The following CSMD1 variants were observed in gnomAD, a reference collection of about 807,000 sequenced individuals.
The protein encoded by CSMD1 is CUB and sushi domain-containing protein 1.
In CSMD1, 213 loss-of-function variants were observed where a neutral mutation model predicts 417.5. That is an observed-to-expected ratio of 0.51 (90% CI 0.46 to 0.57). CSMD1 has a LOEUF of 0.57. CSMD1 is among the 20% of genes least tolerant of loss of function. CSMD1 has a pLI of 0.00. For missense variants in CSMD1, 6,923 were observed against 4,529.7 expected, an observed-to-expected ratio of 1.53 and a Z score of -15.17; for synonymous variants, 2,862 against 1,736.8, an observed-to-expected ratio of 1.65 and a Z score of -16.11.
intron 3 of CSMD1, among the ~76,000 whole-genome samples, chr8:4,160,741 T>A (rs1391540039): frequency 6.6e-6 from 1 of 152,234 alleles, no homozygotes; most frequent in Non-Finnish European, 1.5e-5. Flanking sequence ...TTCTATAAGG[T>A]GATACTACAT....
chr8:3,901,804 G>C (rs898631950), intron 5 of CSMD1, among the ~76,000 whole-genome samples: 4 of 152,122 alleles, frequency 2.6e-5, no homozygotes, highest in African/African-American at 9.7e-5. Context: ...TTAAGCTCTT[G>C]GGGTGTTCAC....
intron 5 of CSMD1, among the ~76,000 whole-genome samples, chr8:3,880,886 G>A (rs1011870010): frequency 3.3e-5 from 5 of 151,934 alleles, no homozygotes; most frequent in East Asian, 1.9e-4. Flanking sequence ...GTCCTCCTTC[G>A]TGTACCATTG....
intron 2 of CSMD1, among the ~76,000 whole-genome samples, chr8:4,624,170 G>C (rs1801958291): frequency 6.6e-6 from 1 of 151,998 alleles, no homozygotes; most frequent in South Asian, 2.1e-4. Context: ...GTAAAACTTG[G>C]CAAATCAACT....
At chr8:4,904,405 A>G (rs1042687759) in intron 1 of CSMD1, among the ~76,000 whole-genome samples, 8 of 152,222 alleles carry the variant, frequency 5.3e-5, no homozygotes, top group Non-Finnish European at 1.2e-4. Flanking sequence ...CAGGCAAAGA[A>G]CAAACAACTT....
chr8:2,984,247 A>G (rs1346201365), intron 54 of CSMD1, among the ~76,000 whole-genome samples: 1 of 152,180 alleles, frequency 6.6e-6, no homozygotes, highest in African/African-American at 2.4e-5. Flanking sequence ...GCAACCCTCA[A>G]CAGCAGTGAC....
chr8:4,475,829 T>A (rs1174279540), intron 2 of CSMD1, among the ~76,000 whole-genome samples: 1 of 152,080 alleles, frequency 6.6e-6, no homozygotes, highest in Non-Finnish European at 1.5e-5. Flanking sequence ...ACCAGGCTGG[T>A]CTCAAACTCC....
chr8:3,337,724 G>C (rs1193388702), intron 23 of CSMD1, among the ~76,000 whole-genome samples: 1 of 152,206 alleles, frequency 6.6e-6, no homozygotes, highest in Non-Finnish European at 1.5e-5. Flanking sequence ...TTTGGGCACT[G>C]ATCACACATT....
At chr8:3,594,864 G>C (rs1203919005) in intron 8 of CSMD1, among the ~76,000 whole-genome samples, 2 of 152,142 alleles carry the variant, frequency 1.3e-5, no homozygotes, top group Non-Finnish European at 2.9e-5. Context: ...TGCTCATGGA[G>C]CTTCTGAGAG....
chr8:4,948,879 G>C (rs973895353), intron 1 of CSMD1, among the ~76,000 whole-genome samples: 1 of 152,020 alleles, frequency 6.6e-6, no homozygotes, highest in African/African-American at 2.4e-5. Flanking sequence ...TCCGATTTTA[G>C]ATAAAAGACC....
chr8:4,592,446 G>A (rs1197203951), intron 2 of CSMD1, among the ~76,000 whole-genome samples: 1 of 151,902 alleles, frequency 6.6e-6, no homozygotes, highest in Non-Finnish European at 1.5e-5. Context: ...GAGTGCAGTG[G>A]CATGACCTTG....
chr8:4,019,454 A>G (rs55668897), intron 4 of CSMD1, among the ~76,000 whole-genome samples: 93,139 of 150,474 alleles, frequency 0.62, 28,733 homozygotes, highest in South Asian at 0.69. Context: ...ACATTCCCTT[A>G]TTAGGGCCCT....
chr8:4,398,730 G>C (rs1175548838), intron 3 of CSMD1, among the ~76,000 whole-genome samples: 1 of 152,060 alleles, frequency 6.6e-6, no homozygotes, highest in Non-Finnish European at 1.5e-5. Context: ...TCAAACAAAT[G>C]CTAACAGATT....
At chr8:3,876,685 C>G (rs967715161) in intron 5 of CSMD1, among the ~76,000 whole-genome samples, 14 of 152,180 alleles carry the variant, frequency 9.2e-5, no homozygotes, top group African/African-American at 3.4e-4. Flanking sequence ...TCAGTGCGCA[C>G]TGTAGCCTTG....
intron 5 of CSMD1, among the ~76,000 whole-genome samples, chr8:3,838,581 C>T (rs117610495): frequency 0.15 from 20,296 of 132,754 alleles, 1,917 homozygotes; most frequent in African/African-American, 0.25. Context: ...CTCTATATAT[C>T]TATAGTCCCT....
chr8:4,382,490 T>G (rs1674686475), intron 3 of CSMD1, among the ~76,000 whole-genome samples: 1 of 148,490 alleles, frequency 6.7e-6, no homozygotes, highest in Non-Finnish European at 1.5e-5. Flanking sequence ...TCCAACCACC[T>G]AAACTCTCTG....
intron 1 of CSMD1, among the ~76,000 whole-genome samples, chr8:4,907,420 T>C (rs777443295): frequency 2.6e-5 from 4 of 152,202 alleles, no homozygotes; most frequent in Non-Finnish European, 5.9e-5. Flanking sequence ...AAATAGGACA[T>C]TGGGCAAAAT....
At position 3,168,126 on chromosome 8, in the gene CSMD1, G is replaced by T. The variant is rs140241266; in HGVS notation, c.5726-5849C>A. ...AGTTGATAAGCAGAGAGTGAGGGAA[G>T]CAGACCCATGTGAAGAGATTAATAG... is the stretch of plus-strand genomic sequence containing the variant. On this transcript the variant is annotated intron_variant, in intron 37 of 69. Coordinates refer to ENST00000635120, the MANE Select transcript of CSMD1 (RefSeq NM_033225.6). 7.0e-4 allele frequency among the ~76,000 whole-genome samples: 107 copies of T among 152,014 alleles called. 1 individual carries two copies. In the East Asian group the frequency reaches 0.016, roughly 23 times the overall value.
At chr8:3,768,303 T>G (rs1798396237) in intron 5 of CSMD1, among the ~76,000 whole-genome samples, 1 of 152,204 alleles carries the variant, frequency 6.6e-6, no homozygotes, top group African/African-American at 2.4e-5. Flanking sequence ...TGGTTCACCT[T>G]CCCACTCAGT....
chr8:4,837,300 G>A (rs1253016770), intron 1 of CSMD1, among the ~76,000 whole-genome samples: 6 of 152,142 alleles, frequency 3.9e-5, no homozygotes, highest in African/African-American at 1.4e-4. Flanking sequence ...TGCACTTCTA[G>A]GTTTGCTGCT....
Sources: gnomAD v4.1 joint callset for allele counts (sites outside exome capture counted in the v4.1 genomes callset) on GRCh38, gnomAD v4.1.1 for gene constraint, MANE v1.5 for transcripts, NCBI Gene and HGNC (gene_info 2026-07-23, HGNC 2026-07-21) for gene names.